Variants in ZNF790 observed in about 807,000 individuals in gnomAD.
The protein encoded by ZNF790 is zinc finger protein 790.
Under a neutral mutation model 12.1 loss-of-function variants are expected in ZNF790, and 8 were observed. That is an observed-to-expected ratio of 0.66 (90% CI 0.39 to 1.19). ZNF790 has a LOEUF of 1.19. Ranked by LOEUF, ZNF790 falls within the 50% of genes most tolerant of loss-of-function variation. The pLI is 0.01. For synonymous variants in ZNF790, 252 were observed against 244.3 expected (o/e 1.03, Z -0.29); for missense variants, 707 against 752.2 (o/e 0.94, Z 0.70).
intron 1 of ZNF790, chr19:36,837,967 C>G (rs1568342451): frequency 6.6e-6 from 1 of 152,260 alleles, no homozygotes; most frequent in Admixed American, 6.5e-5. Context: ...TGTTTTTGGC[C>G]CCATAGCGGC....
intron 1 of ZNF790, among the ~76,000 whole-genome samples, chr19:36,833,988 A>T (rs1414769103): frequency 4.6e-5 from 7 of 152,184 alleles, no homozygotes; most frequent in African/African-American, 9.7e-5. Flanking sequence ...TATGCCTGTA[A>T]TTCCAGCACT....
At chr19:36,829,061 G>A (rs780359624) in intron 1 of ZNF790, among the ~76,000 whole-genome samples, 3 of 152,110 alleles carry the variant, frequency 2.0e-5, no homozygotes, top group African/African-American at 4.8e-5. Flanking sequence ...AAGGAGGCCC[G>A]AAGATGTCAG....
At position 36,819,095 on chromosome 19, in the gene ZNF790, T is replaced by C. The variant is rs764344180; in HGVS notation, c.1249A>G (p.Thr417Ala). 6.2e-7 allele frequency: 1 copy of C among 1,613,708 alleles called. No individual in the cohort carries two copies. Among genetic ancestry groups the C allele is most frequent in the Non-Finnish European group, 8.5e-7 (1 of 1,179,796 alleles). The stretch of plus-strand genomic sequence containing the variant: ...TTACATTCATAAGGTTTCCTGCCAG[T>C]ATGAATTCGCTGATGTCGAGCAAGG... ...SHLARHQRIH[T>A]GRKPYECKQC... Residue 417 changes from threonine (T) to alanine (A), a missense_variant, in exon 5 of 5, where the codon ACT becomes GCT. By Grantham distance (58) the Thr-to-Ala change is moderately conservative. Coordinates refer to ENST00000356725, the MANE Select transcript of ZNF790 (RefSeq NM_206894.4).
chr19:36,832,794 T>C (rs1257418110), intron 1 of ZNF790, among the ~76,000 whole-genome samples: 1 of 151,892 alleles, frequency 6.6e-6, no homozygotes, highest in East Asian at 1.9e-4. Context: ...GGTTAGAGAA[T>C]AGAAAATAGA....
In ZNF790 at chr19:36,819,446, G is replaced by A. The variant is rs2071617677; in HGVS notation, c.898C>T (p.His300Tyr). ...TTTTCACCAGTATGAATTCTCTGAT[G>A]TCGAGTAAGATCTGAGCCACAACTA... Reference protein sequence around the residue: ...AFSCGSDLTRHQRIHTGEKPY... With the variant: ...AFSCGSDLTRYQRIHTGEKPY... Residue 300 changes from histidine (H) to tyrosine (Y), a missense_variant, in exon 5 of 5, where the codon CAT becomes TAT. Coordinates refer to ENST00000356725, the MANE Select transcript of ZNF790 (RefSeq NM_206894.4). 1 of 1,609,818 alleles carries A rather than the reference G, an allele frequency of 6.2e-7. No individual in the cohort carries two copies. The highest frequency in any genetic ancestry group is 1.7e-5 in the Admixed American group (1 of 59,334).
chr19:36,846,550 C>T (rs565503411), intron 1 of ZNF790, among the ~76,000 whole-genome samples: 2 of 151,080 alleles, frequency 1.3e-5, no homozygotes, highest in African/African-American at 2.4e-5. Context: ...GGCGACAGAG[C>T]GAGACTCCGT....
chr19:36,850,154 A>T (rs1458847500), exon 1 of ZNF790: 1 of 152,258 alleles, frequency 6.6e-6, no homozygotes, highest in Non-Finnish European at 1.5e-5. Flanking sequence ...TTCCAGCGTT[A>T]AGTGGAATTC....
intron 1 of ZNF790, among the ~76,000 whole-genome samples, chr19:36,845,198 T>TGAGCAATA (rs1425429741): frequency 6.6e-6 from 1 of 151,900 alleles, no homozygotes; most frequent in Admixed American, 6.6e-5. Context: ...TGGAGGTTCA[T>TGAGCAATA]TTGCATCTAG....
chr19:36,827,141 C>CACATATATATATATATATAT (rs1313807327), intron 1 of ZNF790, among the ~76,000 whole-genome samples: 8 of 84,438 alleles, frequency 9.5e-5, no homozygotes, highest in East Asian at 4.9e-4. Context: ...CACACACACA[C>CACATATATATATATATATAT]ATATATATAT....
At chr19:36,839,225 ATTT>A (rs1323182082), upstream of ZNF790, among the ~76,000 whole-genome samples, 1 of 152,094 alleles carries the variant, frequency 6.6e-6, no homozygotes, top group African/African-American at 2.4e-5. Flanking sequence ...CAGAGGAGTA[ATTT>A]TTTTCAGTAC....
At chr19:36,827,111 T>C (rs866541583) in intron 1 of ZNF790, among the ~76,000 whole-genome samples, 10 of 65,128 alleles carry the variant, frequency 1.5e-4, no homozygotes, top group South Asian at 4.2e-4. Context: ...TGTATATATA[T>C]ACACATACAC....
At chr19:36,827,178 A>G (rs1301383905) in intron 1 of ZNF790, among the ~76,000 whole-genome samples, 1 of 135,858 alleles carries the variant, frequency 7.4e-6, no homozygotes, top group African/African-American at 2.8e-5. Flanking sequence ...ATATATATAT[A>G]CACTTACCAA....
intron 4 of ZNF790, among the ~76,000 whole-genome samples, chr19:36,820,418 G>C (rs747907186): frequency 5.3e-5 from 8 of 152,156 alleles, no homozygotes; most frequent in Non-Finnish European, 8.8e-5. Context: ...ATACCTACAA[G>C]TTTCCAAGTA....
chr19:36,837,984 C>T (rs1016709254), intron 1 of ZNF790: 3 of 152,302 alleles, frequency 2.0e-5, no homozygotes, highest in Non-Finnish European at 2.9e-5. Flanking sequence ...CGGCTGCTAT[C>T]ACCACCTTTA....
At position 36,819,512 on chromosome 19, in the gene ZNF790, C is replaced by T; in HGVS notation, c.832G>A (p.Gly278Ser). Residue 278 changes from glycine (G) to serine (S), a missense_variant, in exon 5 of 5, where the codon GGT becomes AGT. By Grantham distance (56) the Gly-to-Ser change is moderately conservative. Transcript: ENST00000356725. ...TCCTTACATTCATAAGATTTCTCACCAGTATGAATTCGCTTATGGACACTA... is the reference window on the plus strand; with the variant it reads ...TCCTTACATTCATAAGATTTCTCACTAGTATGAATTCGCTTATGGACACTA... Reference protein sequence around the residue: ...QLSVHKRIHTGEKSYECKECG... With the variant: ...QLSVHKRIHTSEKSYECKECG... 1 of 1,612,600 alleles carries T rather than the reference C, an allele frequency of 6.2e-7. No homozygotes were observed. Among genetic ancestry groups the T allele is most frequent in the Non-Finnish European group, 8.5e-7 (1 of 1,179,108 alleles).
chr19:36,827,494 C>T (rs2071853160), intron 1 of ZNF790, among the ~76,000 whole-genome samples: 1 of 152,048 alleles, frequency 6.6e-6, no homozygotes, highest in South Asian at 2.1e-4. Flanking sequence ...TTTTCAATGA[C>T]TAATGTATAG....
chr19:36,844,911 A>G (rs974958479), intron 1 of ZNF790, among the ~76,000 whole-genome samples: 2 of 149,100 alleles, frequency 1.3e-5, no homozygotes, highest in African/African-American at 2.4e-5. Context: ...AGCCGGGCGT[A>G]GTGGCGGGCG....
At chr19:36,825,583 T>C in intron 2 of ZNF790, 28 bp downstream of exon 2, 3 of 1,611,224 alleles carry the variant, frequency 1.9e-6, no homozygotes, top group Non-Finnish European at 2.5e-6. Flanking sequence ...ATGGGTTATA[T>C]TTTTGGAGAG....
At chr19:36,836,452 T>C (rs1270030459) in intron 1 of ZNF790, among the ~76,000 whole-genome samples, 1 of 146,410 alleles carries the variant, frequency 6.8e-6, no homozygotes, top group Non-Finnish European at 1.5e-5. Context: ...AAGACAAGCC[T>C]AAAAAAAAAA....
Sources: allele counts gnomAD v4.1 joint callset (sites outside exome capture counted in the v4.1 genomes callset), GRCh38; gene constraint gnomAD v4.1.1; transcripts MANE v1.5; gene names NCBI Gene and HGNC (gene_info 2026-07-23, HGNC 2026-07-21).